Variants in PDE4B observed in about 807,000 individuals in gnomAD.
PDE4B encodes the protein 3',5'-cyclic-AMP phosphodiesterase 4B.
In PDE4B, 20 loss-of-function variants were observed where a neutral mutation model predicts 82.2. That is an observed-to-expected ratio of 0.24 (90% confidence interval 0.17 to 0.35). The LOEUF (loss-of-function observed/expected upper bound fraction) is 0.35, where lower values mean the gene tolerates loss of function less well. Ranked by LOEUF, PDE4B falls within the 10% of genes least tolerant of loss-of-function variation. The probability of loss-of-function intolerance (pLI) is 1.00; values close to 1 mark genes in which losing one functional copy is unlikely to be tolerated. For missense variants in PDE4B, 655 were observed against 907.2 expected (o/e 0.72, Z 3.57); for synonymous variants, 320 against 318.9 (o/e 1.00, Z -0.04).
chr1:66,077,101 G>A (rs1656473604), intron 3 of PDE4B, among the ~76,000 whole-genome samples: 1 of 152,072 alleles, frequency 6.6e-6, no homozygotes, highest in African/African-American at 2.4e-5. Flanking sequence ...CCAACATCAA[G>A]AAGGGTATTT....
At chr1:65,978,074 C>T (rs1313624575) in intron 3 of PDE4B, among the ~76,000 whole-genome samples, 4 of 135,014 alleles carry the variant, frequency 3.0e-5, no homozygotes, top group Non-Finnish European at 6.1e-5. Context: ...GTTGCCCAGG[C>T]TGGAGTGCAA....
chr1:66,360,064 T>TA (rs980630701), intron 9 of PDE4B, among the ~76,000 whole-genome samples: 5 of 152,012 alleles, frequency 3.3e-5, no homozygotes, highest in Non-Finnish European at 7.4e-5. Context: ...GGGAATCTTT[T>TA]AAAAAAAATA....
chr1:66,002,880 A>T (rs1330821146), intron 3 of PDE4B, among the ~76,000 whole-genome samples: 8 of 152,150 alleles, frequency 5.3e-5, no homozygotes, highest in South Asian at 2.1e-4. Context: ...AATTTAATTT[A>T]AAAAATATCT....
chr1:66,034,532 T>C (rs1653964407), intron 3 of PDE4B, among the ~76,000 whole-genome samples: 1 of 152,202 alleles, frequency 6.6e-6, no homozygotes, highest in African/African-American at 2.4e-5. Context: ...CTGGCTTAAC[T>C]ACAAAAACCA....
intron 3 of PDE4B, among the ~76,000 whole-genome samples, chr1:66,008,247 A>G (rs1474861820): frequency 6.6e-6 from 1 of 152,154 alleles, no homozygotes; most frequent in African/African-American, 2.4e-5. Context: ...ATGAAAGGTT[A>G]TGTTCCAGGC....
At chr1:66,291,587 T>G (rs1318291279) in intron 7 of PDE4B, among the ~76,000 whole-genome samples, 1 of 152,196 alleles carries the variant, frequency 6.6e-6, no homozygotes, top group South Asian at 2.1e-4. Context: ...TTCCCTCTTT[T>G]GAAAGCAAAC....
chr1:66,177,808 T>C (rs1370593239), intron 3 of PDE4B, among the ~76,000 whole-genome samples: 1 of 152,184 alleles, frequency 6.6e-6, no homozygotes, highest in Non-Finnish European at 1.5e-5. Flanking sequence ...CCCTGAAGCC[T>C]TTCCTAAAGG....
In PDE4B at chr1:66,185,302, C is replaced by T. The variant is rs547946545; in HGVS notation, c.282-62158C>T. ...TGTGAATAGTGCCGCAATAAACATA[C>T]GTGTGCATGTGTCTTTATAGCAGCA... is the stretch of plus-strand genomic sequence containing the variant. On this transcript the variant is annotated intron_variant, in intron 3 of 16. Coordinates refer to ENST00000341517, the MANE Select transcript of PDE4B (RefSeq NM_002600.4). Among the ~76,000 whole-genome samples the T allele has an allele frequency of 2.5e-4, 38 of 152,296 alleles. No homozygotes were observed. In the South Asian group the frequency reaches 7.1e-3, roughly 28 times the overall value.
At chr1:66,165,618 A>G (rs946466711) in intron 3 of PDE4B, among the ~76,000 whole-genome samples, 11 of 152,116 alleles carry the variant, frequency 7.2e-5, no homozygotes, top group Non-Finnish European at 1.5e-4. Context: ...TAATTTGAAA[A>G]TTAAAAAAAT....
chr1:65,842,935 T>C (rs1347708733), intron 1 of PDE4B, among the ~76,000 whole-genome samples: 1 of 152,038 alleles, frequency 6.6e-6, no homozygotes, highest in African/African-American at 2.4e-5. Flanking sequence ...GCCAGGAAGA[T>C]AGGGAAGTGG....
chr1:65,904,078 C>G (rs932511425), intron 1 of PDE4B, among the ~76,000 whole-genome samples: 1 of 152,016 alleles, frequency 6.6e-6, no homozygotes, highest in African/African-American at 2.4e-5. Context: ...GAACTATTGC[C>G]CTTTGTTGTT....
intron 3 of PDE4B, chr1:66,050,683 A>C (rs927579253): frequency 5.9e-5 from 9 of 152,122 alleles, no homozygotes; most frequent in Non-Finnish European, 8.8e-5. Flanking sequence ...TTCTGTTCTG[A>C]GATACACCTT....
chr1:66,268,764 AGCTCT>A (rs1186424232), intron 7 of PDE4B, among the ~76,000 whole-genome samples: 1 of 151,888 alleles, frequency 6.6e-6, no homozygotes, highest in East Asian at 1.9e-4. Flanking sequence ...GGTTCTTATC[AGCTCT>A]CATGGCTCAA....
chr1:66,106,133 A>G (rs1344298795), intron 3 of PDE4B, among the ~76,000 whole-genome samples: 1 of 152,160 alleles, frequency 6.6e-6, no homozygotes, highest in Non-Finnish European at 1.5e-5. Context: ...TAATTTATTG[A>G]GAGTTTTTAG....
At chr1:65,865,360 C>T (rs915502840) in intron 1 of PDE4B, among the ~76,000 whole-genome samples, 3 of 151,934 alleles carry the variant, frequency 2.0e-5, no homozygotes, top group African/African-American at 7.2e-5. Flanking sequence ...GGCTCCCTGT[C>T]TTCAGCCCCC....
At chr1:66,017,837 A>AAAT (rs1553133085) in intron 3 of PDE4B, among the ~76,000 whole-genome samples, 2 of 151,008 alleles carry the variant, frequency 1.3e-5, no homozygotes, top group African/African-American at 2.4e-5. Flanking sequence ...ATTTTTAAAA[A>AAAT]ATATATATAT....
intron 3 of PDE4B, among the ~76,000 whole-genome samples, chr1:66,142,765 GC>G (rs1646198067): frequency 6.6e-6 from 1 of 152,150 alleles, no homozygotes; most frequent in South Asian, 2.1e-4. Context: ...TAATGTCGGT[GC>G]TTTGATCTTT....
chr1:66,012,958 C>G (rs976845052), intron 3 of PDE4B, among the ~76,000 whole-genome samples: 1 of 151,964 alleles, frequency 6.6e-6, no homozygotes, highest in Non-Finnish European at 1.5e-5. Flanking sequence ...ATTAGTATCC[C>G]CATCCAAGGA....
chr1:66,186,428 T>C (rs1333365245), intron 3 of PDE4B, among the ~76,000 whole-genome samples: 1 of 152,232 alleles, frequency 6.6e-6, no homozygotes, highest in Non-Finnish European at 1.5e-5. Context: ...CCTTGGGCAG[T>C]ATGGCCATTT....
Sources: gnomAD v4.1 joint callset for allele counts (sites outside exome capture counted in the v4.1 genomes callset) on GRCh38, gnomAD v4.1.1 for gene constraint, MANE v1.5 for transcripts, NCBI Gene and HGNC (gene_info 2026-07-23, HGNC 2026-07-21) for gene names.